FAM111A: variants seen among roughly 807,000 people sequenced by gnomAD.
FAM111A encodes the protein serine protease FAM111A.
In FAM111A, 8 loss-of-function variants were observed where a neutral mutation model predicts 3.3. The ratio of observed to expected loss-of-function variants is 2.39; its 90% confidence interval spans 1.40 to 4.32. The LOEUF is 4.32. Ranked by LOEUF, FAM111A falls within the 30% of genes most tolerant of loss-of-function variation. The probability of loss-of-function intolerance (pLI) is 0.00; values close to 1 mark genes in which losing one functional copy is unlikely to be tolerated. For synonymous variants in FAM111A, 227 were observed against 243.1 expected, an observed-to-expected ratio of 0.93 and a Z score of 0.62; for missense variants, 683 against 727.6, an observed-to-expected ratio of 0.94 and a Z score of 0.71.
chr11:59,150,319 G>C (rs1375105937), intron 5 of FAM111A, among the ~76,000 whole-genome samples: 2 of 152,028 alleles, frequency 1.3e-5, no homozygotes, highest in African/African-American at 4.8e-5. Flanking sequence ...TTTTGATCTG[G>C]AATATTAGTA....
chr11:59,143,666 C>CT lies in FAM111A; in HGVS notation c.-135dup, dbSNP rs1324801156. 1 of 152,206 alleles carries CT rather than the reference C, an allele frequency of 6.6e-6. No individual in the cohort carries two copies. The highest frequency in any genetic ancestry group is 1.5e-5 in the Non-Finnish European group (1 of 68,038). The allele number at this position is 152,206 out of a possible 1,614,324, so 9.4% of individuals were successfully genotyped here. A position where few individuals can be genotyped will look rare whatever the true frequency, so the allele number is the denominator to read the frequency against. ...ACGCTTCTTTCCAGGATAAAATACT[C>CT]TAAGTGACAAATGTTGAGTACATTA... On this transcript the variant is annotated 5_prime_UTR_variant, in exon 3 of 6. An upstream open reading frame in the 5' UTR loses its in-frame stop. Coordinates refer to ENST00000675163, the MANE Select transcript of FAM111A (RefSeq NM_001312909.2).
chr11:59,152,788 G>A lies in FAM111A; in HGVS notation c.1120G>A (p.Val374Ile). 2.5e-6 allele frequency: 4 copies of A among 1,614,142 alleles called. No homozygotes were observed. The highest frequency in any genetic ancestry group is 2.2e-5 in the East Asian group (1 of 44,886). Residue 374 changes from valine (V) to isoleucine (I), a missense_variant, in exon 6 of 6, where the codon GTT becomes ATT. Physicochemically the swap from Val to Ile is conservative, Grantham distance 29 (BLOSUM62 3). Around this residue, in one of 3 missense-constraint regions of FAM111A, gnomAD observed 557 missense variants for 600.2 expected, o/e 0.93. Coordinates refer to ENST00000675163, the MANE Select transcript of FAM111A (RefSeq NM_001312909.2). The part of the protein sequence containing the change: ...SATTGYATCF[V>I]FKGLFILTCR... ...AACTACGGGTTACGCCACCTGCTTTGTTTTTAAAGGATTGTTCATTTTAAC... is the reference window on the plus strand; with the variant it reads ...AACTACGGGTTACGCCACCTGCTTTATTTTTAAAGGATTGTTCATTTTAAC...
At position 59,151,844 on chromosome 11, in the gene FAM111A, G is replaced by A. The variant is rs774238591; in HGVS notation, c.176G>A (p.Arg59Lys). Residue 59 changes from arginine (R) to lysine (K), a missense_variant, in exon 6 of 6, where the codon AGA becomes AAA. Physicochemically the swap from Arg to Lys is conservative, Grantham distance 26. Coordinates refer to ENST00000675163, the MANE Select transcript of FAM111A (RefSeq NM_001312909.2). ...GCCACAACTAATACCCAGGCTCAAA[G>A]ATTCCATTCACCTAAGAAAAATCCA... ...PRATTNTQAQ[R>K]FHSPKKNPED... The A allele has an allele frequency of 3.1e-6, 5 of 1,614,044 alleles. No homozygotes were observed. The African/African-American group carries it at 6.7e-5, about 22-fold the overall frequency.
In FAM111A at chr11:59,153,629, C is replaced by A; in HGVS notation, c.*125C>A. The A allele has an allele frequency of 1.4e-6, 1 of 715,516 alleles. No homozygotes were observed. The highest frequency in any genetic ancestry group is 2.3e-6 in the Non-Finnish European group (1 of 444,178). The allele number at this position is 715,516 out of a possible 1,614,324, so 44.3% of individuals were successfully genotyped here. On this transcript the variant is annotated 3_prime_UTR_variant, in exon 6 of 6. Coordinates refer to ENST00000675163, the MANE Select transcript of FAM111A (RefSeq NM_001312909.2). ...AATAATAATATTGACCATTTCCTATCTGCCAGGCATTTTTCTAAGCACATG... is the reference window on the plus strand; with the variant it reads ...AATAATAATATTGACCATTTCCTATATGCCAGGCATTTTTCTAAGCACATG...
At position 59,154,398 on chromosome 11, in the gene FAM111A, T is replaced by C. The variant is rs2135495057; in HGVS notation, c.*894T>C. ...ATGATAGTCACTCTTCCCATATTTATAGGCTATTAAGGCAAGGGATATCTT... is the reference window on the plus strand; with the variant it reads ...ATGATAGTCACTCTTCCCATATTTACAGGCTATTAAGGCAAGGGATATCTT... On this transcript the variant is annotated 3_prime_UTR_variant, in exon 6 of 6. Transcript: ENST00000675163. 1 of 152,358 alleles carries C rather than the reference T, an allele frequency of 6.6e-6. No individual in the cohort carries two copies. The highest frequency in any genetic ancestry group is 1.5e-5 in the Non-Finnish European group (1 of 68,028). 9.4% of individuals were successfully genotyped at this position (152,358 alleles called of 1,614,324 possible).
chr11:59,148,984 A>C (rs747457670), intron 5 of FAM111A, 31 bp downstream of exon 5: 1 of 1,491,886 alleles, frequency 6.7e-7, no homozygotes, highest in South Asian at 1.1e-5. Flanking sequence ...TATGTAATCT[A>C]GTCATCCCTT....
At chr11:59,149,277 A>C in intron 5 of FAM111A, 1 of 230,352 alleles carries the variant, frequency 4.3e-6, no homozygotes, top group South Asian at 6.3e-5. Context: ...TTCAATCTGC[A>C]GTTGGTTGAA....
Position 59,153,232 on chromosome 11 carries a change from A to C in FAM111A, c.1564A>C (p.Lys522Gln), listed in dbSNP as rs1238941350. 35 of 1,614,108 alleles carry C rather than the reference A, an allele frequency of 2.2e-5. No homozygotes were observed. Among genetic ancestry groups the C allele is most frequent in the Non-Finnish European group, 2.6e-5 (31 of 1,180,050 alleles). The change falls in exon 6 of 6, where the codon AAA becomes CAA. Residue 522 changes from lysine to glutamine, a missense_variant. Physicochemically the swap from Lys to Gln is moderately conservative, Grantham distance 53. Around this residue, in one of 3 missense-constraint regions of FAM111A, gnomAD observed 122 missense variants for 110.9 expected, o/e 1.10. Transcript: ENST00000675163. ...VHMYTQRSFQKIVHNPDVITY... is the reference protein window; with the variant it reads ...VHMYTQRSFQQIVHNPDVITY... Reference sequence around the variant, plus strand: ...TATGTATACTCAAAGAAGTTTCCAGAAAATAGTTCACAACCCTGATGTGAT... The same window carrying C: ...TATGTATACTCAAAGAAGTTTCCAGCAAATAGTTCACAACCCTGATGTGAT...
At chr11:59,145,543 A>C (rs1311011477) in intron 3 of FAM111A, 1 of 152,194 alleles carries the variant, frequency 6.6e-6, no homozygotes, top group Non-Finnish European at 1.5e-5. Flanking sequence ...GACGGAGGAT[A>C]TTGGAGTGTT....
At chr11:59,149,402 C>T (rs1255093602) in intron 5 of FAM111A, among the ~76,000 whole-genome samples, 2 of 152,154 alleles carry the variant, frequency 1.3e-5, no homozygotes, top group Non-Finnish European at 2.9e-5. Context: ...GAGTGTTGGG[C>T]ATATTAAATA....
rs1301432091 is a variant in FAM111A, at chr11:59,144,681, G to A, written c.-107+986G>A. 4 of 152,390 alleles carry A rather than the reference G, an allele frequency of 2.6e-5. No homozygotes were observed. The East Asian group carries it at 7.7e-4, about 29-fold the overall frequency. The allele number at this position is 152,390 out of a possible 1,614,324, so 9.4% of individuals were successfully genotyped here. A position where few individuals can be genotyped will look rare whatever the true frequency, so the allele number is the denominator to read the frequency against. On this transcript the variant is annotated intron_variant, in intron 3 of 5. Coordinates refer to ENST00000675163, the MANE Select transcript of FAM111A (RefSeq NM_001312909.2). ...AGTACTGCACGCTGTAGCTACCTGA[G>A]GTTTAGGCCGGAAGAGGCACGGCTG... is the stretch of plus-strand genomic sequence containing the variant.
chr11:59,144,941 C>T (rs1860634102), intron 3 of FAM111A: 1 of 152,660 alleles, frequency 6.6e-6, no homozygotes, highest in African/African-American at 2.4e-5. Flanking sequence ...GGGGCGCGGT[C>T]ACGGGCGCGG....
chr11:59,153,146 G>A lies in FAM111A; in HGVS notation c.1478G>A (p.Arg493Gln), dbSNP rs764535228. 76 of 1,614,196 alleles carry A rather than the reference G, an allele frequency of 4.7e-5. 1 individual carries two copies. In the Middle Eastern group the frequency reaches 1.3e-3, roughly 28 times the overall value. The change falls in exon 6 of 6, where the codon CGA (arginine) becomes CAA (glutamine). Residue 493 changes from arginine (R) to glutamine (Q), a missense_variant. Physicochemically the swap from Arg to Gln is conservative, Grantham distance 43. Coordinates refer to ENST00000675163, the MANE Select transcript of FAM111A (RefSeq NM_001312909.2). ...DACAVIPQGQ[R>Q]AKKCQERVQS... ...TGTGCTGTGATCCCTCAGGGTCAGCGAGCAAAGAAATGTCAGGAACGTGTT... is the reference window on the plus strand; with the variant it reads ...TGTGCTGTGATCCCTCAGGGTCAGCAAGCAAAGAAATGTCAGGAACGTGTT...
rs1000319322 is a variant in FAM111A at position 59,153,674 on chromosome 11, C to T, written c.*170C>T. 1.4e-4 allele frequency: 79 copies of T among 575,040 alleles called. No homozygotes were observed. The highest frequency in any genetic ancestry group is 2.0e-4 in the Non-Finnish European group (67 of 335,488). The allele number at this position is 575,040 out of a possible 1,614,324, so 35.6% of individuals were successfully genotyped here. ...CACATGAAGAAATTAGTCCTAACAA[C>T]ACTATGAGATGGACTATAACTTGCC... is the stretch of plus-strand genomic sequence containing the variant. On this transcript the variant is annotated 3_prime_UTR_variant, in exon 6 of 6. Coordinates refer to ENST00000675163, the MANE Select transcript of FAM111A (RefSeq NM_001312909.2).
At position 59,149,869 on chromosome 11, in the gene FAM111A, G is replaced by A. The variant is rs76878668; in HGVS notation, c.81+916G>A. 8.7e-3 allele frequency among the ~76,000 whole-genome samples: 1,332 copies of A among 152,258 alleles called. 18 individuals are homozygous for A. The highest frequency in any genetic ancestry group is 0.031 in the African/African-American group (1,278 of 41,564). ...ACATGTAGTTGGGCCTTTTTCTACT[G>A]ATTGGGCTCTGTTATCATATCAAAC... On this transcript the variant is annotated intron_variant, in intron 5 of 5. Transcript: ENST00000675163.
intron 4 of FAM111A, chr11:59,148,586 A>G (rs1861238956): frequency 5.9e-6 from 2 of 336,628 alleles, no homozygotes; most frequent in Non-Finnish European, 1.1e-5. Flanking sequence ...GCTAGAGATA[A>G]TTTTCATAAA....
In FAM111A at chr11:59,153,593, A is replaced by G. The variant is rs1861998796; in HGVS notation, c.*89A>G. 1 of 917,756 alleles carries G rather than the reference A, an allele frequency of 1.1e-6. No homozygotes were observed. The highest frequency in any genetic ancestry group is 2.7e-5 in the Admixed American group (1 of 37,206). The allele number at this position is 917,756 out of a possible 1,614,324, so 56.9% of individuals were successfully genotyped here. The stretch of plus-strand genomic sequence containing the variant: ...TGGTTTTCTAAACTCCAAAATGGTC[A>G]TCTTATCAATAATAATAATATTGAC... On this transcript the variant is annotated 3_prime_UTR_variant, in exon 6 of 6. Transcript: ENST00000675163.
chr11:59,150,238 A>T (rs1308983687), intron 5 of FAM111A, among the ~76,000 whole-genome samples: 1 of 152,186 alleles, frequency 6.6e-6, no homozygotes, highest in Non-Finnish European at 1.5e-5. Flanking sequence ...GGCTGAAGGG[A>T]TGCTCTTTGA....
rs144531298 is a variant in FAM111A, at chr11:59,152,071, A to C, written c.403A>C (p.Lys135Gln). 18 of 1,614,090 alleles carry C rather than the reference A, an allele frequency of 1.1e-5. No homozygotes were observed. The highest frequency in any genetic ancestry group is 1.4e-5 in the Non-Finnish European group (17 of 1,180,044). The change falls in exon 6 of 6, where the codon AAA (lysine) becomes CAA (glutamine). Residue 135 changes from lysine (K) to glutamine (Q), a missense_variant. Physicochemically the swap from Lys to Gln is moderately conservative, Grantham distance 53. Coordinates refer to ENST00000675163, the MANE Select transcript of FAM111A (RefSeq NM_001312909.2). ...GCTTGTGCGTGGCACAGAAGGAATC[A>C]AAGAGTACATAAACCTTGGAATGCC... ...EMLVRGTEGI[K>Q]EYINLGMPLS...
Sources: allele counts gnomAD v4.1 joint callset (sites outside exome capture counted in the v4.1 genomes callset), GRCh38; gene constraint gnomAD v4.1.1; regional missense constraint gnomAD v4.1.1; transcripts MANE v1.5; gene names NCBI Gene and HGNC (gene_info 2026-07-23, HGNC 2026-07-21).